Variants in CRACR2B observed in about 807,000 individuals in gnomAD.
The protein encoded by CRACR2B is EF-hand calcium-binding domain-containing protein 4A.
Under a neutral mutation model 46.0 loss-of-function variants are expected in CRACR2B, and 50 were observed. That is an observed-to-expected ratio of 1.09 (90% CI 0.87 to 1.38). The LOEUF (loss-of-function observed/expected upper bound fraction) is 1.38. Among genes scored for constraint, CRACR2B ranks in the 40% most tolerant of loss-of-function variants. The probability of loss-of-function intolerance (pLI) is 0.00; values close to 1 mark genes in which losing one functional copy is unlikely to be tolerated. For synonymous variants in CRACR2B, 277 were observed against 239.6 expected (o/e 1.16, Z -1.44); for missense variants, 667 against 535.0 (o/e 1.25, Z -2.43).
rs945036939 is a variant in CRACR2B at position 831,918 on chromosome 11, T to A, written c.*209T>A. The A allele has an allele frequency of 2.0e-5, 11 of 542,602 alleles. No individual in the cohort carries two copies. The highest frequency in any genetic ancestry group is 2.8e-5 in the Non-Finnish European group (9 of 322,040). 33.6% of individuals were successfully genotyped at this position (542,602 alleles called of 1,614,324 possible). On this transcript the variant is annotated 3_prime_UTR_variant, in exon 9 of 9. Transcript: ENST00000525077. ...GTGCCCTCTGCCAGTCTTCGCTCTG[T>A]CCCCGTTCAATCAACCCCATCTCAG...
At position 828,620 on chromosome 11, in the gene CRACR2B, G is replaced by A. The variant is rs1159954011; in HGVS notation, c.13G>A (p.Gly5Arg). 1.3e-6 allele frequency: 2 copies of A among 1,595,390 alleles called. No individual in the cohort carries two copies. Among genetic ancestry groups the A allele is most frequent in the South Asian group, 1.1e-5 (1 of 88,806 alleles). The change falls in exon 1 of 9, where the codon GGA becomes AGA. Residue 5 changes from glycine (G) to arginine (R), a missense_variant. Transcript: ENST00000525077. MASP[G>R]KPGADEAQEE... ...GCCCCCTGCTCTCATGGCCAGCCCT[G>A]GAAAGCCTGGGGCTGATGAGGCCCA...
chr11:827,016 C>T (rs1430273859), upstream of CRACR2B, among the ~76,000 whole-genome samples: 1 of 151,442 alleles, frequency 6.6e-6, no homozygotes, highest in African/African-American at 2.4e-5. Flanking sequence ...CCCCCGCAGC[C>T]TTGTCCCTGC....
rs35693210 is a variant in CRACR2B, at chr11:829,536, G to A, written c.454G>A (p.Gly152Ser). The A allele has an allele frequency of 2.5e-6, 4 of 1,584,106 alleles. No individual in the cohort carries two copies. Among genetic ancestry groups the A allele is most frequent in the Non-Finnish European group, 3.4e-6 (4 of 1,168,066 alleles). ...GCAGCTGGGGGTGGCCCCGGTCCTG[G>A]GCAAGTGAGTCGGCGCTGGCCCCGC... is the stretch of plus-strand genomic sequence containing the variant. ...LEQLGVAPVL[G>S]KQRAVRTLWA... The change falls in exon 3 of 9, where the codon GGC becomes AGC. Residue 152 changes from glycine to serine, a missense_variant. Coordinates refer to ENST00000525077, the MANE Select transcript of CRACR2B (RefSeq NM_001286606.2).
chr11:830,776 C>T (rs1846345807), intron 6 of CRACR2B, 63 bp downstream of exon 6: 1 of 1,483,330 alleles, frequency 6.7e-7, no homozygotes, highest in Middle Eastern at 2.4e-4. Context: ...TGTGCCTTAG[C>T]GTCCCCGGGT....
Position 831,863 on chromosome 11 carries a change from A to T in CRACR2B, c.*154A>T. The T allele has an allele frequency of 1.0e-6, 1 of 987,968 alleles. No homozygotes were observed. Among genetic ancestry groups the T allele is most frequent in the Non-Finnish European group, 1.4e-6 (1 of 717,948 alleles). The allele number at this position is 987,968 out of a possible 1,614,324, so 61.2% of individuals were successfully genotyped here. ...TGAAGGACCTAGCCTAGGAGTGGTC[A>T]GGGTCCCGGGAGTGGCCAGGGTCCC... On this transcript the variant is annotated 3_prime_UTR_variant, in exon 9 of 9. Coordinates refer to ENST00000525077, the MANE Select transcript of CRACR2B (RefSeq NM_001286606.2).
Position 830,617 on chromosome 11 carries a change from C to G in CRACR2B, c.694-4C>G. 1 of 1,549,384 alleles carries G rather than the reference C, an allele frequency of 6.5e-7. No individual in the cohort carries two copies. The highest frequency in any genetic ancestry group is 8.7e-7 in the Non-Finnish European group (1 of 1,146,752). On this transcript the variant is annotated splice_region_variant and splice_polypyrimidine_tract_variant and intron_variant, in intron 5 of 8. Coordinates refer to ENST00000525077, the MANE Select transcript of CRACR2B (RefSeq NM_001286606.2). ...GAGGCTCAGTGGTCCTCCGTGCGTC[C>G]CAGAACTTCGCCCGCGGGGAGCGGA...
rs756848920 is a variant in CRACR2B at position 829,454 on chromosome 11, G to C, written c.372G>C (p.Thr124=). Residue 124 remains threonine, a synonymous_variant, in exon 3 of 9, where the codon ACG becomes ACC. Transcript: ENST00000525077. ...CGGGCGGGCTCGACGTGCAGGGCAC[G>C]GCGGGCTCTCTGGATGAGGAGGAGG... ...FESGGLDVQG[T]AGSLDEEEEE... is the part of the protein sequence containing the mutation. 5.6e-6 allele frequency: 9 copies of C among 1,610,140 alleles called. No homozygotes were observed. Among genetic ancestry groups the C allele is most frequent in the Middle Eastern group, 1.7e-4 (1 of 6,036 alleles).
At chr11:826,866 TC>T (rs1425422683), upstream of CRACR2B, among the ~76,000 whole-genome samples, 1 of 152,128 alleles carries the variant, frequency 6.6e-6, no homozygotes. Context: ...AAGTAAAGGC[TC>T]CCCACCCCTA....
rs932394126 is a variant in CRACR2B at position 831,958 on chromosome 11, C to T, written c.*249C>T. ...CCCCATCTCAGTTCAGCAGAAAACC[C>T]CCTCGTCAAATAAAACCCACTGACT... is the stretch of plus-strand genomic sequence containing the variant. On this transcript the variant is annotated 3_prime_UTR_variant, in exon 9 of 9. Transcript: ENST00000525077. 151 of 496,254 alleles carry T rather than the reference C, an allele frequency of 3.0e-4. No individual in the cohort carries two copies. Among genetic ancestry groups the T allele is most frequent in the Admixed American group, 8.2e-5 (2 of 24,346 alleles). 30.7% of individuals were successfully genotyped at this position (496,254 alleles called of 1,614,324 possible).
Position 829,836 on chromosome 11 carries a change from G to C in CRACR2B, c.459-150G>C, listed in dbSNP as rs931019703. ...CCGACCACGCACGCCGGGCAGGGGC[G>C]AAAGCGCTCACGGGAGGGATGCCCT... On this transcript the variant is annotated intron_variant, in intron 3 of 8. Coordinates refer to ENST00000525077, the MANE Select transcript of CRACR2B (RefSeq NM_001286606.2). The C allele has an allele frequency of 4.3e-6, 6 of 1,391,072 alleles. No individual in the cohort carries two copies. The African/African-American group carries it at 7.3e-5, about 17-fold the overall frequency. 86.2% of individuals were successfully genotyped at this position (1,391,072 alleles called of 1,614,324 possible).
At chr11:830,536 C>G in intron 5 of CRACR2B, 85 bp from the exon 6 acceptor site, 1 of 1,544,846 alleles carries the variant, frequency 6.5e-7, no homozygotes. Flanking sequence ...CCGCCCGGGC[C>G]CACTCCCAGC....
rs375054445 is a variant in CRACR2B at position 828,763 on chromosome 11, C to G, written c.156C>G (p.His52Gln). 1 of 1,613,504 alleles carries G rather than the reference C, an allele frequency of 6.2e-7. No individual in the cohort carries two copies. The highest frequency in any genetic ancestry group is 8.5e-7 in the Non-Finnish European group (1 of 1,179,890). The change falls in exon 1 of 9, where the codon CAC becomes CAG. Residue 52 changes from histidine to glutamine, a missense_variant. By Grantham distance (24) the His-to-Gln change is conservative. Transcript: ENST00000525077. ...DKEAKGFITK[H>Q]DLQGLQSDLP... ...AGGCTAAGGGCTTCATCACCAAGCA[C>G]GACCTGCAGGTGAGTCCCCCACCCC...
upstream of CRACR2B, among the ~76,000 whole-genome samples, chr11:826,438 G>A (rs372456559): frequency 6.6e-6 from 1 of 152,348 alleles, no homozygotes; most frequent in East Asian, 1.9e-4. Flanking sequence ...AGCCAGGAGG[G>A]GCTACTGAGG....
Position 830,626 on chromosome 11 carries a change from C to A in CRACR2B, c.699C>A (p.Phe233Leu), listed in dbSNP as rs996790229. ...TGGTCCTCCGTGCGTCCCAGAACTTCGCCCGCGGGGAGCGGAGAAGCCGTC... is the reference window on the plus strand; with the variant it reads ...TGGTCCTCCGTGCGTCCCAGAACTTAGCCCGCGGGGAGCGGAGAAGCCGTC... ...EQSRRPPSQN[F>L]ARGERRSRLE... is the part of the protein sequence containing the mutation. The change falls in exon 6 of 9, where the codon TTC becomes TTA. Residue 233 changes from phenylalanine to leucine, a missense_variant. Transcript: ENST00000525077. 6.5e-7 allele frequency: 1 copy of A among 1,549,272 alleles called. No individual in the cohort carries two copies. The highest frequency in any genetic ancestry group is 8.7e-7 in the Non-Finnish European group (1 of 1,146,710).
intron 3 of CRACR2B, chr11:829,753 A>C: frequency 9.9e-7 from 1 of 1,006,884 alleles, no homozygotes; most frequent in Non-Finnish European, 1.4e-6. Flanking sequence ...TGCAGGGAGG[A>C]GGGGCAGCGC....
At chr11:831,437 G>A in intron 8 of CRACR2B, 98 bp from the exon 9 acceptor site, 1 of 1,485,534 alleles carries the variant, frequency 6.7e-7, no homozygotes. Context: ...TGCAGCCTCA[G>A]CCAGACACCT....
upstream of CRACR2B, chr11:827,355 A>G (rs1845971625): frequency 6.1e-6 from 1 of 164,838 alleles, no homozygotes; most frequent in Non-Finnish European, 1.3e-5. Flanking sequence ...AGGCCCCTCC[A>G]CTGCCGCCCG....
At chr11:829,806 C>A in intron 3 of CRACR2B, 180 bp from the exon 4 acceptor site, 1 of 1,261,154 alleles carries the variant, frequency 7.9e-7, no homozygotes, top group Non-Finnish European at 1.1e-6. Flanking sequence ...GGTACACACA[C>A]CTCACCGACC....
Position 831,296 on chromosome 11 carries a change from G to A in CRACR2B, c.1025+1G>A. ...TGCTACGGCAACTGGAGCTGCTCAG[G>A]TACGGTCAGGCTCAGGCCCGAGAGG... is the stretch of plus-strand genomic sequence containing the variant. On this transcript the variant is annotated splice_donor_variant, in intron 8 of 8. Coordinates refer to ENST00000525077, the MANE Select transcript of CRACR2B (RefSeq NM_001286606.2). LOFTEE classifies it high-confidence loss of function. 1 of 1,607,726 alleles carries A rather than the reference G, an allele frequency of 6.2e-7. No homozygotes were observed. Among genetic ancestry groups the A allele is most frequent in the Non-Finnish European group, 8.5e-7 (1 of 1,178,424 alleles).
Sources: allele counts gnomAD v4.1 joint callset (sites outside exome capture counted in the v4.1 genomes callset), GRCh38; gene constraint gnomAD v4.1.1; transcripts MANE v1.5; gene names NCBI Gene and HGNC (gene_info 2026-07-23, HGNC 2026-07-21).